The following KLF9 variants were observed in gnomAD, a reference collection of about 807,000 sequenced individuals.
KLF9 encodes Krueppel-like factor 9.
KLF9 carries 2 observed loss-of-function variants against 17.3 expected under a neutral mutation model. The ratio of observed to expected loss-of-function variants is 0.12; its 90% confidence interval spans 0.05 to 0.36. KLF9 has a LOEUF of 0.36. Among genes scored for constraint, KLF9 ranks in the 10% least tolerant of loss-of-function variants. The probability of loss-of-function intolerance (pLI) is 1.00; values close to 1 mark genes in which losing one functional copy is unlikely to be tolerated. For synonymous variants in KLF9, 138 were observed against 139.2 expected (o/e 0.99, Z 0.06); for missense variants, 226 against 333.2 (o/e 0.68, Z 2.51).
intron 1 of KLF9, among the ~76,000 whole-genome samples, chr9:70,390,003 C>G (rs1026985475): frequency 6.6e-6 from 1 of 152,210 alleles, no homozygotes; most frequent in African/African-American, 2.4e-5. Flanking sequence ...CAGCGTGGTG[C>G]ATTTGAGTCA....
At position 70,409,677 on chromosome 9, in the gene KLF9, CAAAT is replaced by C. The variant is rs201157472; in HGVS notation, c.505+3178_505+3181del. The stretch of plus-strand genomic sequence containing the variant: ...GTTCTAAAATTAATCTGAAACAGTA[CAAAT>C]AAATACATCATAAAGTGTCCAAAAA... On this transcript the variant is annotated intron_variant, in intron 1 of 1. Transcript: ENST00000377126. 3.6e-3 allele frequency among the ~76,000 whole-genome samples: 552 copies of C among 152,056 alleles called. 4 individuals are homozygous for C. The highest frequency in any genetic ancestry group is 0.013 in the African/African-American group (521 of 41,476).
At chr9:70,403,796 A>G (rs115368164) in intron 1 of KLF9, among the ~76,000 whole-genome samples, 3,071 of 152,288 alleles carry the variant, frequency 0.02, 119 homozygotes, top group African/African-American at 0.07. Flanking sequence ...CTGGATAACT[A>G]TGGAAAATAC....
chr9:70,398,305 G>A (rs1372978534), intron 1 of KLF9, among the ~76,000 whole-genome samples: 4 of 152,102 alleles, frequency 2.6e-5, no homozygotes, highest in African/African-American at 7.2e-5. Context: ...CTATGCTTTA[G>A]GTTCTGAAAT....
At chr9:70,393,138 G>A (rs1396818421) in intron 1 of KLF9, among the ~76,000 whole-genome samples, 3 of 152,180 alleles carry the variant, frequency 2.0e-5, no homozygotes, top group Non-Finnish European at 4.4e-5. Context: ...TGAACACTGC[G>A]CACAATGTGT....
At chr9:70,411,727 C>T (rs1401528891) in intron 1 of KLF9, among the ~76,000 whole-genome samples, 1 of 152,142 alleles carries the variant, frequency 6.6e-6, no homozygotes, top group Non-Finnish European at 1.5e-5. Context: ...TTAAAAGTAT[C>T]GAGGTATTAC....
At chr9:70,404,627 T>A (rs994986459) in intron 1 of KLF9, among the ~76,000 whole-genome samples, 9 of 151,868 alleles carry the variant, frequency 5.9e-5, no homozygotes, top group Non-Finnish European at 8.8e-5. Flanking sequence ...ATAATAATAA[T>A]AAATAATTGA....
chr9:70,413,568 C>T lies in KLF9; in HGVS notation c.-205G>A, dbSNP rs2037347229. The T allele has an allele frequency of 2.9e-6, 1 of 342,148 alleles. No individual in the cohort carries two copies. Among genetic ancestry groups the T allele is most frequent in the Non-Finnish European group, 4.8e-6 (1 of 209,714 alleles). The allele number at this position is 342,148 out of a possible 1,614,324, so 21.2% of individuals were successfully genotyped here. On this transcript the variant is annotated 5_prime_UTR_variant, in exon 1 of 2. Transcript: ENST00000377126. This position sits in a 1 kb window ranked among gnomAD's most constrained non-coding sequence, Gnocchi z 5.6. ...CTCATCTTTACGTAACCGGCAGCGC[C>T]TCCGCACGCAGCATCCACGGCCCCG...
At chr9:70,407,394 A>G (rs2037263151) in intron 1 of KLF9, among the ~76,000 whole-genome samples, 1 of 151,894 alleles carries the variant, frequency 6.6e-6, no homozygotes, top group Admixed American at 6.6e-5. Flanking sequence ...TTACTCTGGT[A>G]CCTCCCTCTC....
chr9:70,390,222 T>A (rs965413605), intron 1 of KLF9, among the ~76,000 whole-genome samples: 1 of 152,166 alleles, frequency 6.6e-6, no homozygotes, highest in African/African-American at 2.4e-5. Context: ...AACGAATCTG[T>A]AGCAGTTGAT....
rs1447486866 is a variant in KLF9 at position 70,413,848 on chromosome 9, G to T, written c.-485C>A. 2 of 152,882 alleles carry T rather than the reference G, an allele frequency of 1.3e-5. No homozygotes were observed. The highest frequency in any genetic ancestry group is 1.3e-4 in the Admixed American group (2 of 15,308). 9.5% of individuals were successfully genotyped at this position (152,882 alleles called of 1,614,324 possible). A position where few individuals can be genotyped will look rare whatever the true frequency, so the allele number is the denominator to read the frequency against. On this transcript the variant is annotated 5_prime_UTR_variant, in exon 1 of 2. Transcript: ENST00000377126. The surrounding 1 kb of genome is among the most constrained non-coding windows in gnomAD (Gnocchi z 5.6). ...CGATCACCCCGACGCGGGTGGCGAG[G>T]GTCCCGCCGAGCGCCAGGTCTAAGA... is the stretch of plus-strand genomic sequence containing the variant.
intron 1 of KLF9, among the ~76,000 whole-genome samples, chr9:70,392,919 T>C (rs1210230998): frequency 1.3e-5 from 2 of 152,152 alleles, no homozygotes; most frequent in South Asian, 2.1e-4. Flanking sequence ...CTTGTACCAC[T>C]GCATTATTTC....
At chr9:70,397,385 G>A (rs2037188438) in intron 1 of KLF9, among the ~76,000 whole-genome samples, 2 of 152,010 alleles carry the variant, frequency 1.3e-5, no homozygotes, top group Admixed American at 6.6e-5. Flanking sequence ...TGAGGCAGGA[G>A]AATCGCTTGA....
intron 1 of KLF9, among the ~76,000 whole-genome samples, chr9:70,400,960 G>C (rs902123462): frequency 1.3e-5 from 2 of 152,034 alleles, no homozygotes; most frequent in Non-Finnish European, 2.9e-5. Context: ...TCTCAGAAAA[G>C]GAATATAGTC....
intron 1 of KLF9, among the ~76,000 whole-genome samples, chr9:70,388,616 T>TA (rs2037130982): frequency 6.6e-6 from 1 of 152,148 alleles, no homozygotes. Context: ...CTTTCAAGAG[T>TA]AAAAAAGCTG....
At chr9:70,392,603 G>C (rs904675540) in intron 1 of KLF9, among the ~76,000 whole-genome samples, 1 of 152,132 alleles carries the variant, frequency 6.6e-6, no homozygotes, top group Non-Finnish European at 1.5e-5. Context: ...AGAAAGCATG[G>C]AATGGGGAAG....
At chr9:70,405,119 T>C (rs2037247726) in intron 1 of KLF9, among the ~76,000 whole-genome samples, 1 of 152,218 alleles carries the variant, frequency 6.6e-6, no homozygotes, top group Non-Finnish European at 1.5e-5. Flanking sequence ...CTCTATTTCT[T>C]TGGGCCAAGA....
chr9:70,413,508 T>C lies in KLF9; in HGVS notation c.-145A>G. On this transcript the variant is annotated 5_prime_UTR_variant, in exon 1 of 2. Transcript: ENST00000377126. This position sits in a 1 kb window ranked among gnomAD's most constrained non-coding sequence, Gnocchi z 5.6. ...CAAGGGGGCGGGGGCGCGGGGCGCTTCCGACTCGCAGGAGCGCCGAGGCGA... is the reference window on the plus strand; with the variant it reads ...CAAGGGGGCGGGGGCGCGGGGCGCTCCCGACTCGCAGGAGCGCCGAGGCGA... The C allele has an allele frequency of 1.2e-6, 1 of 848,808 alleles. No individual in the cohort carries two copies. The highest frequency in any genetic ancestry group is 1.5e-6 in the Non-Finnish European group (1 of 655,006). The allele number at this position is 848,808 out of a possible 1,614,324, so 52.6% of individuals were successfully genotyped here. A position where few individuals can be genotyped will look rare whatever the true frequency, so the allele number is the denominator to read the frequency against.
At chr9:70,407,704 C>G (rs1259527508) in intron 1 of KLF9, among the ~76,000 whole-genome samples, 1 of 152,198 alleles carries the variant, frequency 6.6e-6, no homozygotes, top group Non-Finnish European at 1.5e-5. Flanking sequence ...CCTCCAGCCC[C>G]AGGGTCAGAT....
intron 1 of KLF9, among the ~76,000 whole-genome samples, chr9:70,398,039 C>T (rs2037194306): frequency 6.6e-6 from 1 of 152,166 alleles, no homozygotes; most frequent in African/African-American, 2.4e-5. Context: ...TCAAAAGTCT[C>T]CTGTTTATCA....
Sources: allele counts gnomAD v4.1 joint callset (sites outside exome capture counted in the v4.1 genomes callset), GRCh38; gene constraint gnomAD v4.1.1; non-coding constraint Gnocchi (gnomAD v3.1); transcripts MANE v1.5; gene names NCBI Gene and HGNC (gene_info 2026-07-23, HGNC 2026-07-21).